SLC9B1: variants seen among roughly 807,000 people sequenced by gnomAD.
SLC9B1 encodes the protein sodium/hydrogen exchanger 9B1.
In SLC9B1, 32 loss-of-function variants were observed where a neutral mutation model predicts 51.7. The observed-to-expected ratio is 0.62, with a 90% CI of 0.47 to 0.83. The LOEUF is 0.83. SLC9B1 is among the 40% of genes least tolerant of loss of function. The pLI, the probability that SLC9B1 is intolerant of heterozygous loss-of-function variation, is 0.00. For synonymous variants in SLC9B1, 145 were observed against 212.7 expected, an observed-to-expected ratio of 0.68 and a Z score of 2.77; for missense variants, 406 against 613.2, an observed-to-expected ratio of 0.66 and a Z score of 3.57.
Position 102,949,284 on chromosome 4 carries a change from A to C in SLC9B1, c.355T>G (p.Leu119Val), listed in dbSNP as rs772815850. Reference protein sequence around the residue: ...GKILQLIRIPLVPPLPPLLGM... With the variant: ...GKILQLIRIPVVPPLPPLLGM... ...AGAAGAGGTGGAAGTGGAGGCACTA[A>C]AGGTATTCTAATGAGTTGTAAAATT... The change falls in exon 4 of 12, where the codon TTA (leucine) becomes GTA (valine). Residue 119 changes from leucine (L) to valine (V), a missense_variant. Transcript: ENST00000296422. 1 of 1,604,430 alleles carries C rather than the reference A, an allele frequency of 6.2e-7. No individual in the cohort carries two copies.
chr4:102,935,836 T>C (rs901998727), intron 6 of SLC9B1, among the ~76,000 whole-genome samples: 1 of 152,130 alleles, frequency 6.6e-6, no homozygotes, highest in African/African-American at 2.4e-5. Context: ...GGCACATGAG[T>C]GCACCCCACA....
At chr4:103,012,486 A>C (rs747579771) in intron 1 of SLC9B1, among the ~76,000 whole-genome samples, 37 of 152,190 alleles carry the variant, frequency 2.4e-4, no homozygotes, top group Non-Finnish European at 5.9e-5. Flanking sequence ...ATTGCCCTTA[A>C]TGCTCTGTTC....
intron 1 of SLC9B1, among the ~76,000 whole-genome samples, chr4:103,008,399 A>T (rs1221498141): frequency 6.7e-6 from 1 of 149,796 alleles, no homozygotes; most frequent in East Asian, 2.0e-4. Flanking sequence ...GGGCAATCTA[A>T]GTTCTCTGTT....
chr4:103,014,208 C>T (rs995054771), intron 1 of SLC9B1, among the ~76,000 whole-genome samples: 3 of 152,226 alleles, frequency 2.0e-5, no homozygotes, highest in African/African-American at 7.2e-5. Flanking sequence ...CCATGTCTCA[C>T]ATCTCCAAAA....
At chr4:102,961,830 T>C (rs1236727956) in intron 3 of SLC9B1, 1 of 181,606 alleles carries the variant, frequency 5.5e-6, no homozygotes, top group Non-Finnish European at 1.1e-5. Flanking sequence ...ATCTACAATA[T>C]ATCTTAAAAT....
chr4:102,992,224 T>C (rs1030943255), intron 1 of SLC9B1, among the ~76,000 whole-genome samples: 9 of 152,262 alleles, frequency 5.9e-5, no homozygotes, highest in African/African-American at 2.2e-4. Context: ...ATCTATAAAG[T>C]TTTATTTTGA....
At chr4:102,990,955 T>C (rs1739911076) in intron 2 of SLC9B1, among the ~76,000 whole-genome samples, 1 of 152,028 alleles carries the variant, frequency 6.6e-6, no homozygotes, top group Non-Finnish European at 1.5e-5. Context: ...TCTGTTACTA[T>C]ATAAAAGGGA....
At chr4:103,004,424 T>A (rs1002387228) in intron 1 of SLC9B1, among the ~76,000 whole-genome samples, 4 of 152,144 alleles carry the variant, frequency 2.6e-5, no homozygotes, top group African/African-American at 9.7e-5. Flanking sequence ...CTGAGAAATA[T>A]GGGATTATGT....
rs749251463 is a variant in SLC9B1, at chr4:102,946,767, C to T, written c.405G>A (p.Thr135=). 4.4e-6 allele frequency: 7 copies of T among 1,597,462 alleles called. No individual in the cohort carries two copies. The highest frequency in any genetic ancestry group is 2.3e-4 in the Middle Eastern group (1 of 4,410). ...CATTGATGAATGGAACATTCCTAAT[C>T]GTAAAACCAGCCAGTAACATCCCTT... The part of the protein sequence containing the change: ...PLLGMLLAGF[T]IRNVPFINEH... The change falls in exon 5 of 12, where the codon ACG becomes ACA. Residue 135 remains threonine, a synonymous_variant. Coordinates refer to ENST00000296422, the MANE Select transcript of SLC9B1 (RefSeq NM_139173.4).
intron 3 of SLC9B1, among the ~76,000 whole-genome samples, chr4:102,955,889 GAA>G (rs879610174): frequency 2.1e-3 from 290 of 138,894 alleles, no homozygotes; most frequent in East Asian, 4.4e-3. Flanking sequence ...AAGAAAGAAA[GAA>G]AGAAAGAAAG....
At chr4:102,962,836 G>C (rs1738209566) in intron 3 of SLC9B1, 1 of 473,230 alleles carries the variant, frequency 2.1e-6, no homozygotes, top group Non-Finnish European at 4.4e-6. Context: ...CCTGGAAGTG[G>C]ATCAAACAAT....
intron 3 of SLC9B1, among the ~76,000 whole-genome samples, chr4:102,970,201 T>C (rs985049341): frequency 6.6e-6 from 1 of 151,712 alleles, no homozygotes; most frequent in African/African-American, 2.4e-5. Context: ...TTCACCAAGG[T>C]TGAAATGAAG....
chr4:102,921,835 G>A (rs1735895435), intron 7 of SLC9B1, among the ~76,000 whole-genome samples: 1 of 152,154 alleles, frequency 6.6e-6, no homozygotes, highest in African/African-American at 2.4e-5. Context: ...TAATGGTAAA[G>A]GGATCAATTC....
intron 1 of SLC9B1, among the ~76,000 whole-genome samples, chr4:102,999,047 T>A (rs1740378230): frequency 6.6e-6 from 1 of 152,106 alleles, no homozygotes; most frequent in Admixed American, 6.5e-5. Context: ...ATAGCCAGGG[T>A]CTTGCTGTGT....
chr4:102,911,393 C>A lies in SLC9B1; in HGVS notation c.936+38G>T, dbSNP rs534429941. On this transcript the variant is annotated intron_variant, in intron 8 of 11. Transcript: ENST00000296422. ...AAGTTTAATATTTTGAAAAAAATGT[C>A]TAATACTATACTTCTATAAAATAGA... 15 of 1,412,486 alleles carry A rather than the reference C, an allele frequency of 1.1e-5. 1 individual carries two copies. The South Asian group carries it at 1.7e-4, about 16-fold the overall frequency. 87.5% of individuals were successfully genotyped at this position (1,412,486 alleles called of 1,614,324 possible).
chr4:102,923,103 A>C (rs1327667603), intron 7 of SLC9B1, among the ~76,000 whole-genome samples: 1 of 152,058 alleles, frequency 6.6e-6, no homozygotes, highest in Admixed American at 6.6e-5. Context: ...GGGACACAAC[A>C]ACAACAAAAA....
chr4:102,947,867 G>C (rs1372437412), intron 4 of SLC9B1, among the ~76,000 whole-genome samples: 1 of 145,416 alleles, frequency 6.9e-6, no homozygotes, highest in Non-Finnish European at 1.5e-5. Flanking sequence ...AACACTTCTA[G>C]TATTAAACAA....
chr4:102,994,702 G>A (rs1401799079), intron 1 of SLC9B1, among the ~76,000 whole-genome samples: 1 of 152,164 alleles, frequency 6.6e-6, no homozygotes, highest in African/African-American at 2.4e-5. Flanking sequence ...GGCTGGGGAG[G>A]CCTCAGGAAA....
At chr4:102,909,194 A>G (rs1273005878) in intron 9 of SLC9B1, among the ~76,000 whole-genome samples, 1 of 152,132 alleles carries the variant, frequency 6.6e-6, no homozygotes, top group East Asian at 1.9e-4. Context: ...TAGGTGTGGT[A>G]GCTCATGCTT....
Sources: allele counts gnomAD v4.1 joint callset (sites outside exome capture counted in the v4.1 genomes callset), GRCh38; gene constraint gnomAD v4.1.1; transcripts MANE v1.5; gene names NCBI Gene and HGNC (gene_info 2026-07-23, HGNC 2026-07-21).